The following AK5 variants were observed in gnomAD, a reference collection of about 807,000 sequenced individuals.
The protein encoded by AK5 is adenylate kinase 5.
A neutral mutation model predicts 69.5 loss-of-function variants in AK5; 27 were observed. That is an observed-to-expected ratio of 0.39 (90% CI 0.29 to 0.54). The LOEUF is 0.54. AK5 is among the 20% of genes least tolerant of loss of function. The probability of loss-of-function intolerance (pLI) is 0.71; values close to 1 mark genes in which losing one functional copy is unlikely to be tolerated. For missense variants in AK5, 531 were observed against 700.4 expected (o/e 0.76, Z 2.73); for synonymous variants, 260 against 244.4 (o/e 1.06, Z -0.60).
At position 77,541,311 on chromosome 1, in the gene AK5, C is replaced by G. The variant is rs115788177; in HGVS notation, c.1620+5273C>G. 2.6e-3 allele frequency among the ~76,000 whole-genome samples: 389 copies of G among 152,210 alleles called. 2 individuals carry two copies. Among genetic ancestry groups the G allele is most frequent in the African/African-American group, 8.8e-3 (364 of 41,532 alleles). ...TGGTGGAACACATCTGTGGTCACAG[C>G]CACTCAGGGGACTAAGGTGGGAGGA... On this transcript the variant is annotated intron_variant, in intron 13 of 13. Transcript: ENST00000354567.
At chr1:77,403,087 A>C (rs1649349240) in intron 6 of AK5, among the ~76,000 whole-genome samples, 2 of 152,160 alleles carry the variant, frequency 1.3e-5, no homozygotes, top group African/African-American at 4.8e-5. Context: ...GGCTGCATAA[A>C]TGTCTTCTTC....
chr1:77,282,483 A>C (rs1658116255), intron 1 of AK5, 110 bp downstream of exon 1: 2 of 1,429,782 alleles, frequency 1.4e-6, no homozygotes, highest in Admixed American at 5.2e-5. Context: ...GCATGTAATG[A>C]AGGGGCTTGT....
intron 8 of AK5, among the ~76,000 whole-genome samples, chr1:77,418,878 A>G (rs1650608902): frequency 6.6e-6 from 1 of 152,222 alleles, no homozygotes; most frequent in Non-Finnish European, 1.5e-5. Flanking sequence ...TTATAGCACA[A>G]AGCAAGGAGA....
intron 6 of AK5, among the ~76,000 whole-genome samples, chr1:77,407,639 T>C (rs78051340): frequency 0.089 from 13,590 of 152,146 alleles, 821 homozygotes; most frequent in African/African-American, 0.16. Context: ...ATAATTTCAA[T>C]TTTTATTTTG....
chr1:77,312,992 T>A (rs545030547), intron 5 of AK5, among the ~76,000 whole-genome samples: 32 of 152,168 alleles, frequency 2.1e-4, no homozygotes, highest in African/African-American at 7.7e-4. Context: ...ACCAAAAAAA[T>A]TATTTCTGTG....
Position 77,358,018 on chromosome 1 carries a change from T to TGTGTGTGTGTGTGTGTGTGTGTGTGA in AK5, c.891+17451_891+17452insTGTGTGTGTGTGTGTGTGTGTGTGAG, listed in dbSNP as rs762714026. On this transcript the variant is annotated intron_variant, in intron 6 of 13. Transcript: ENST00000354567. ...GTGTGTGTGTGTGTGTGTGTGTGTG[T>TGTGTGTGTGTGTGTGTGTGTGTGTGA]GAGAGAGAGAGAGAGAGAGAGACAG... 4.7e-3 allele frequency among the ~76,000 whole-genome samples: 597 copies of TGTGTGTGTGTGTGTGTGTGTGTGTGA among 128,226 alleles called. 5 individuals carry two copies. Among genetic ancestry groups the TGTGTGTGTGTGTGTGTGTGTGTGTGA allele is most frequent in the Admixed American group, 7.6e-3 (92 of 12,130 alleles). The allele number at this position is 128,226 out of a possible 152,430, so 84.1% of individuals were successfully genotyped here.
At chr1:77,292,523 T>G (rs1315509625) in intron 2 of AK5, among the ~76,000 whole-genome samples, 1 of 152,224 alleles carries the variant, frequency 6.6e-6, no homozygotes, top group African/African-American at 2.4e-5. Context: ...GCCTCCTGTT[T>G]GCTTTGTGCA....
chr1:77,418,630 T>A (rs1650587355), intron 8 of AK5, among the ~76,000 whole-genome samples: 1 of 152,204 alleles, frequency 6.6e-6, no homozygotes, highest in African/African-American at 2.4e-5. Context: ...ACCCCCTAAT[T>A]AGGCTTTATT....
chr1:77,344,933 C>T (rs1661836004), intron 6 of AK5, among the ~76,000 whole-genome samples: 1 of 146,292 alleles, frequency 6.8e-6, no homozygotes, highest in Non-Finnish European at 1.5e-5. Context: ...GTTTTATGAA[C>T]TTTTTAAAAA....
intron 13 of AK5, among the ~76,000 whole-genome samples, chr1:77,547,129 T>C (rs1030875456): frequency 1.3e-5 from 2 of 152,212 alleles, no homozygotes; most frequent in African/African-American, 4.8e-5. Context: ...GTGGGCCACA[T>C]GTATAATTTA....
chr1:77,437,381 T>A (rs1652018071), intron 8 of AK5, among the ~76,000 whole-genome samples: 1 of 152,154 alleles, frequency 6.6e-6, no homozygotes, highest in African/African-American at 2.4e-5. Flanking sequence ...TTTTGAAATG[T>A]TAATCATGAG....
intron 13 of AK5, among the ~76,000 whole-genome samples, chr1:77,542,317 G>A (rs1339707318): frequency 1.3e-5 from 2 of 151,686 alleles, no homozygotes; most frequent in Non-Finnish European, 2.9e-5. Flanking sequence ...AACGAGACTC[G>A]GTCTCAAAAA....
chr1:77,450,776 T>C (rs1653094681), intron 8 of AK5, among the ~76,000 whole-genome samples: 1 of 151,962 alleles, frequency 6.6e-6, no homozygotes, highest in East Asian at 1.9e-4. Context: ...TATAAACATA[T>C]GCCTAAGATT....
Position 77,367,654 on chromosome 1 carries a change from T to TAA in AK5, c.891+27086_891+27087insAA, listed in dbSNP as rs1491516823. ...TAATATATATGTTATGTTATATATG[T>TAA]TATATATATGTTATATATAATATAT... On this transcript the variant is annotated intron_variant, in intron 6 of 13. Transcript: ENST00000354567. Among the ~76,000 whole-genome samples, 158 of 102,590 alleles carry TAA rather than the reference T, an allele frequency of 1.5e-3. 5 individuals are homozygous for TAA. Among genetic ancestry groups the TAA allele is most frequent in the Middle Eastern group, 0.015 (3 of 206 alleles). The allele number at this position is 102,590 out of a possible 152,430, so 67.3% of individuals were successfully genotyped here.
intron 5 of AK5, among the ~76,000 whole-genome samples, chr1:77,336,993 C>G (rs1000658114): frequency 9.9e-5 from 15 of 152,090 alleles, no homozygotes; most frequent in Non-Finnish European, 1.5e-5. Context: ...CATTAAATAG[C>G]TTAGCAGATT....
In AK5 at chr1:77,340,520, T is replaced by G; in HGVS notation, c.843T>G (p.Asn281Lys). The change falls in exon 6 of 14, where the codon AAT becomes AAG. Residue 281 changes from asparagine (N) to lysine (K), a missense_variant. Asn to Lys is a moderately conservative substitution (Grantham distance 94, BLOSUM62 0). Coordinates refer to ENST00000354567, the MANE Select transcript of AK5 (RefSeq NM_174858.3). The stretch of plus-strand genomic sequence containing the variant: ...GGAGACTAATGAACTTCAAGCAGAA[T>G]GCTGCTCCATTGGTTAAATACTTCC... The part of the protein sequence containing the change: ...TQRRLMNFKQ[N>K]AAPLVKYFQE... The G allele has an allele frequency of 6.2e-7, 1 of 1,614,102 alleles. No homozygotes were observed. Among genetic ancestry groups the G allele is most frequent in the Non-Finnish European group, 8.5e-7 (1 of 1,179,988 alleles).
chr1:77,439,840 C>T (rs1652210783), intron 8 of AK5, among the ~76,000 whole-genome samples: 1 of 148,292 alleles, frequency 6.7e-6, no homozygotes, highest in Non-Finnish European at 1.5e-5. Context: ...ATCTCATTTT[C>T]CTTATTCATT....
chr1:77,551,472 G>A (rs1477180989), intron 13 of AK5, among the ~76,000 whole-genome samples: 1 of 152,110 alleles, frequency 6.6e-6, no homozygotes, highest in Non-Finnish European at 1.5e-5. Context: ...TGACTGGTTG[G>A]CAATAAGCAG....
chr1:77,311,855 T>C (rs2100294719), intron 5 of AK5, among the ~76,000 whole-genome samples: 1 of 152,194 alleles, frequency 6.6e-6, no homozygotes, highest in Middle Eastern at 3.4e-3. Flanking sequence ...TGTAAGACTT[T>C]GAAGAAGGTT....
Sources: gnomAD v4.1 joint callset for allele counts (sites outside exome capture counted in the v4.1 genomes callset) on GRCh38, gnomAD v4.1.1 for gene constraint, MANE v1.5 for transcripts, NCBI Gene and HGNC (gene_info 2026-07-23, HGNC 2026-07-21) for gene names.